HHAT: variants seen among roughly 807,000 people sequenced by gnomAD.
The protein encoded by HHAT is protein-cysteine N-palmitoyltransferase HHAT.
HHAT carries 47 observed loss-of-function variants against 70.8 expected under a neutral mutation model. The observed-to-expected ratio is 0.66, with a 90% CI of 0.53 to 0.85. HHAT has a LOEUF of 0.85. Ranked by LOEUF, HHAT falls within the 40% of genes least tolerant of loss-of-function variation. The probability of loss-of-function intolerance (pLI) is 0.00; values close to 1 mark genes in which losing one functional copy is unlikely to be tolerated. For synonymous variants in HHAT, 228 were observed against 247.6 expected (o/e 0.92, Z 0.74); for missense variants, 609 against 604.8 (o/e 1.01, Z -0.07).
At chr1:210,451,109 G>C (rs1415917241) in intron 7 of HHAT, among the ~76,000 whole-genome samples, 1 of 140,412 alleles carries the variant, frequency 7.1e-6, no homozygotes, top group African/African-American at 2.6e-5. Context: ...AAAAAAAAAA[G>C]TTGTTTGTAG....
intron 8 of HHAT, among the ~76,000 whole-genome samples, chr1:210,465,247 A>T (rs1244192829): frequency 1.3e-5 from 2 of 152,152 alleles, no homozygotes; most frequent in East Asian, 1.9e-4. Context: ...GACATGATAG[A>T]TACTTTTTTC....
At chr1:210,329,529 C>A in intron 1 of HHAT, 1 of 980,356 alleles carries the variant, frequency 1.0e-6, no homozygotes, top group Non-Finnish European at 1.2e-6. Flanking sequence ...CAGTTTTCTT[C>A]CTCTGTTCTG....
chr1:210,367,439 A>G, intron 3 of HHAT, among the ~76,000 whole-genome samples: 1 of 151,998 alleles, frequency 6.6e-6, no homozygotes, highest in East Asian at 1.9e-4. Flanking sequence ...GTGTAGAGTC[A>G]GAGTAGGGAG....
chr1:210,557,706 A>T (rs1384603176), intron 9 of HHAT, among the ~76,000 whole-genome samples: 1 of 152,206 alleles, frequency 6.6e-6, no homozygotes, highest in Non-Finnish European at 1.5e-5. Context: ...AGACTTATTC[A>T]CTATCACGAG....
At chr1:210,517,413 C>T (rs1433875081) in intron 9 of HHAT, among the ~76,000 whole-genome samples, 1 of 152,136 alleles carries the variant, frequency 6.6e-6, no homozygotes, top group Non-Finnish European at 1.5e-5. Context: ...TGCACCTGGC[C>T]AGCACTTTTC....
At chr1:210,500,203 C>G (rs1005077136) in intron 8 of HHAT, among the ~76,000 whole-genome samples, 5 of 152,132 alleles carry the variant, frequency 3.3e-5, no homozygotes, top group African/African-American at 1.2e-4. Context: ...CAAACCATAA[C>G]GAACAGATTC....
At chr1:210,635,190 G>T (rs1476437019) in intron 11 of HHAT, among the ~76,000 whole-genome samples, 2 of 152,186 alleles carry the variant, frequency 1.3e-5, no homozygotes, top group Non-Finnish European at 2.9e-5. Flanking sequence ...TCCAGACTCG[G>T]GGGATGGGGC....
At chr1:210,502,920 A>G (rs2094786388) in intron 8 of HHAT, among the ~76,000 whole-genome samples, 1 of 151,804 alleles carries the variant, frequency 6.6e-6, no homozygotes, top group Admixed American at 6.6e-5. Context: ...TATACTCAAG[A>G]TTTAATTTAG....
intron 11 of HHAT, among the ~76,000 whole-genome samples, chr1:210,632,316 G>A (rs918431157): frequency 6.6e-6 from 1 of 152,188 alleles, no homozygotes; most frequent in African/African-American, 2.4e-5. Flanking sequence ...CAAGGAAATC[G>A]AGTATGCGGA....
chr1:210,565,018 G>A (rs760147584), intron 9 of HHAT, among the ~76,000 whole-genome samples: 15 of 152,206 alleles, frequency 9.9e-5, no homozygotes, highest in Non-Finnish European at 1.9e-4. Flanking sequence ...GCATCTTTAG[G>A]TTAAGGAAAG....
At chr1:210,551,798 A>G (rs2095530109) in intron 9 of HHAT, among the ~76,000 whole-genome samples, 1 of 152,216 alleles carries the variant, frequency 6.6e-6, no homozygotes, top group African/African-American at 2.4e-5. Flanking sequence ...TTGTAAATAG[A>G]CGTGCAAGCC....
intron 1 of HHAT, among the ~76,000 whole-genome samples, chr1:210,348,696 C>T (rs924202955): frequency 6.6e-6 from 1 of 150,684 alleles, no homozygotes; most frequent in Non-Finnish European, 1.5e-5. Context: ...AAGACCTGAC[C>T]CCTTTGACAG....
intron 8 of HHAT, among the ~76,000 whole-genome samples, chr1:210,469,847 A>G (rs1558580614): frequency 6.6e-6 from 1 of 151,376 alleles, no homozygotes; most frequent in Non-Finnish European, 1.5e-5. Flanking sequence ...TTTTTTTTTT[A>G]AAGTTCTGGG....
At chr1:210,578,340 T>G (rs897853723) in intron 9 of HHAT, among the ~76,000 whole-genome samples, 2 of 152,138 alleles carry the variant, frequency 1.3e-5, no homozygotes, top group African/African-American at 4.8e-5. Context: ...AAAAAAAAGA[T>G]AACAGATGTT....
intron 11 of HHAT, among the ~76,000 whole-genome samples, chr1:210,638,158 G>A (rs1469297026): frequency 2.6e-5 from 4 of 152,090 alleles, no homozygotes; most frequent in Non-Finnish European, 5.9e-5. Flanking sequence ...TAAACATAGA[G>A]TTACTATATG....
At chr1:210,377,128 C>T (rs990335737) in intron 3 of HHAT, among the ~76,000 whole-genome samples, 2 of 152,174 alleles carry the variant, frequency 1.3e-5, no homozygotes, top group African/African-American at 2.4e-5. Flanking sequence ...GATCTTTTTT[C>T]CTTCCACGTT....
At chr1:210,490,103 G>A (rs769414054) in intron 8 of HHAT, among the ~76,000 whole-genome samples, 6 of 152,218 alleles carry the variant, frequency 3.9e-5, no homozygotes, top group Non-Finnish European at 7.3e-5. Context: ...CTGTTAACCA[G>A]TATCATGTCC....
At chr1:210,418,410 A>G in intron 7 of HHAT, 85 bp downstream of exon 7, 13 of 1,282,594 alleles carry the variant, frequency 1.0e-5, no homozygotes, top group Non-Finnish European at 1.4e-5. Context: ...GGGGGTGAGC[A>G]GGGGTGCAGG....
chr1:210,433,130 C>T (rs555273893), intron 7 of HHAT, among the ~76,000 whole-genome samples: 2 of 151,786 alleles, frequency 1.3e-5, no homozygotes, highest in South Asian at 4.2e-4. Flanking sequence ...GACTGGGTAA[C>T]ATTCTACCCT....
Sources: allele counts gnomAD v4.1 joint callset (sites outside exome capture counted in the v4.1 genomes callset), GRCh38; gene constraint gnomAD v4.1.1; transcripts MANE v1.5; gene names NCBI Gene and HGNC (gene_info 2026-07-23, HGNC 2026-07-21).